ADGRV1: variants seen among roughly 807,000 people sequenced by gnomAD.
ADGRV1 encodes the protein G-protein coupled receptor 98.
A neutral mutation model predicts 596.2 loss-of-function variants in ADGRV1; 359 were observed. The ratio of observed to expected loss-of-function variants is 0.60; its 90% CI spans 0.55 to 0.66. ADGRV1 has a LOEUF of 0.66. Ranked by LOEUF, ADGRV1 falls within the 30% of genes least tolerant of loss-of-function variation. ADGRV1 has a pLI of 0.00. For synonymous variants in ADGRV1, 2,681 were observed against 2,679.2 expected (o/e 1.00, Z -0.02); for missense variants, 7,274 against 7,575.6 (o/e 0.96, Z 1.48).
intron 27 of ADGRV1, among the ~76,000 whole-genome samples, chr5:90,682,570 T>C (rs1745087994): frequency 6.6e-6 from 1 of 152,220 alleles, no homozygotes; most frequent in Admixed American, 6.5e-5. Flanking sequence ...TCAGCTTCCA[T>C]ACGAATAATG....
Position 90,776,460 on chromosome 5 carries a change from A to C in ADGRV1, c.12411A>C (p.Ala4137=), listed in dbSNP as rs1758242128. The change falls in exon 61 of 90, where the codon GCA becomes GCC. Residue 4137 remains alanine (A), a synonymous_variant. Coordinates refer to ENST00000405460, the MANE Select transcript of ADGRV1 (RefSeq NM_032119.4). ...ATATCATCTTGAATTTAGGTAGTGC[A>C]TCAATAATTATTCGGGGTGATAAGC... The part of the protein sequence containing the change: ...EVEISPVKGS[A]SIIIRGDKRA... 6.2e-7 allele frequency: 1 copy of C among 1,611,604 alleles called. No homozygotes were observed. The highest frequency in any genetic ancestry group is 8.5e-7 in the Non-Finnish European group (1 of 1,178,494).
chr5:90,878,459 G>A (rs1006445676), intron 83 of ADGRV1, among the ~76,000 whole-genome samples: 19 of 152,170 alleles, frequency 1.2e-4, no homozygotes, highest in Admixed American at 1.3e-4. Context: ...GAAGGCTAAC[G>A]TTAAGTGGTT....
chr5:90,796,180 G>A (rs919067182), intron 70 of ADGRV1, among the ~76,000 whole-genome samples: 16 of 152,190 alleles, frequency 1.1e-4, no homozygotes, highest in South Asian at 2.1e-4. Context: ...AAACTCCTCC[G>A]AGCTAAGGGA....
At chr5:90,774,883 C>A (rs543100889) in intron 60 of ADGRV1, among the ~76,000 whole-genome samples, 1 of 152,000 alleles carries the variant, frequency 6.6e-6, no homozygotes, top group Non-Finnish European at 1.5e-5. Context: ...CACACTTTAC[C>A]TTTGTAATAA....
intron 84 of ADGRV1, among the ~76,000 whole-genome samples, chr5:90,976,366 A>G (rs1282108682): frequency 1.4e-5 from 2 of 145,786 alleles, no homozygotes; most frequent in Non-Finnish European, 3.0e-5. Flanking sequence ...GTATATATGG[A>G]CATCTTTAAG....
At chr5:90,767,659 A>G (rs1056419220) in intron 59 of ADGRV1, among the ~76,000 whole-genome samples, 1 of 150,574 alleles carries the variant, frequency 6.6e-6, no homozygotes, top group Non-Finnish European at 1.5e-5. Context: ...ATATGTTTAC[A>G]TGGTCCATGT....
At chr5:91,121,060 G>A (rs1793275043) in intron 87 of ADGRV1, among the ~76,000 whole-genome samples, 1 of 152,138 alleles carries the variant, frequency 6.6e-6, no homozygotes, top group Non-Finnish European at 1.5e-5. Context: ...TGTAATCCCA[G>A]CTACTCGGGA....
intron 85 of ADGRV1, among the ~76,000 whole-genome samples, chr5:91,066,586 A>G (rs1050784489): frequency 6.6e-6 from 1 of 152,220 alleles, no homozygotes; most frequent in African/African-American, 2.4e-5. Context: ...TGTTAAGTAT[A>G]TGAGACATAA....
chr5:90,667,344 G>A (rs528073829), intron 21 of ADGRV1, among the ~76,000 whole-genome samples: 51 of 143,630 alleles, frequency 3.6e-4, no homozygotes, highest in African/African-American at 1.1e-3. Flanking sequence ...TTCCCTTCTC[G>A]CTTCATTTCA....
chr5:91,135,734 G>C (rs1476165187), intron 87 of ADGRV1, among the ~76,000 whole-genome samples: 1 of 152,086 alleles, frequency 6.6e-6, no homozygotes, highest in African/African-American at 2.4e-5. Context: ...CACCATGCTG[G>C]GCTACGACAT....
chr5:90,673,973 T>C (rs1286165480), intron 22 of ADGRV1, 81 bp from the exon 23 acceptor site: 3 of 917,352 alleles, frequency 3.3e-6, no homozygotes, highest in Middle Eastern at 3.0e-4. Flanking sequence ...AAATATAATT[T>C]AGTTGCCTTT....
chr5:90,721,110 A>G, intron 45 of ADGRV1, 51 bp downstream of exon 45: 1 of 1,495,270 alleles, frequency 6.7e-7, no homozygotes, highest in Non-Finnish European at 9.2e-7. Context: ...AAAATATTGC[A>G]TGTATAAGAT....
chr5:90,781,292 A>T, intron 64 of ADGRV1, 138 bp from the exon 65 acceptor site: 1 of 717,710 alleles, frequency 1.4e-6, no homozygotes, highest in Non-Finnish European at 2.5e-6. Flanking sequence ...TTTAGCGTTG[A>T]GGATCTTTAA....
chr5:90,600,905 A>G (rs1561361923), intron 1 of ADGRV1, among the ~76,000 whole-genome samples: 1 of 152,260 alleles, frequency 6.6e-6, no homozygotes, highest in African/African-American at 2.4e-5. Flanking sequence ...AAAAAGATGC[A>G]TTAAAAAAAC....
At chr5:90,929,658 C>G (rs1390570235) in intron 83 of ADGRV1, 1 of 152,212 alleles carries the variant, frequency 6.6e-6, no homozygotes, top group Admixed American at 6.5e-5. Context: ...GCTCCTCCCC[C>G]CAGGTTATTT....
rs1353066685 is a variant in ADGRV1 at position 90,565,387 on chromosome 5, C to T, written c.22+6470C>T. 2.6e-5 allele frequency among the ~76,000 whole-genome samples: 4 copies of T among 152,306 alleles called. No homozygotes were observed. In the East Asian group the frequency reaches 7.7e-4, roughly 29 times the overall value. On this transcript the variant is annotated intron_variant, in intron 1 of 89. Coordinates refer to ENST00000405460, the MANE Select transcript of ADGRV1 (RefSeq NM_032119.4). ...TGGAAACCAGTAATCTATTTTCTAT[C>T]TCTATAGATGTGCCTATTCTGGGCA...
intron 85 of ADGRV1, among the ~76,000 whole-genome samples, chr5:91,037,166 C>T (rs1041706177): frequency 1.3e-4 from 20 of 152,194 alleles, no homozygotes; most frequent in Non-Finnish European, 2.5e-4. Flanking sequence ...ATGCAGTGGA[C>T]TTGCATCACA....
chr5:90,891,573 A>T (rs1409175357), intron 83 of ADGRV1, among the ~76,000 whole-genome samples: 1 of 151,976 alleles, frequency 6.6e-6, no homozygotes, highest in African/African-American at 2.4e-5. Flanking sequence ...GGTACTGATA[A>T]TCATCTCATC....
At chr5:91,042,746 T>A (rs1432605620) in intron 85 of ADGRV1, among the ~76,000 whole-genome samples, 1 of 152,138 alleles carries the variant, frequency 6.6e-6, no homozygotes, top group Non-Finnish European at 1.5e-5. Context: ...CTGTCCTGTT[T>A]CCTTTATGCA....
Sources: allele counts gnomAD v4.1 joint callset (sites outside exome capture counted in the v4.1 genomes callset), GRCh38; gene constraint gnomAD v4.1.1; transcripts MANE v1.5; gene names NCBI Gene and HGNC (gene_info 2026-07-23, HGNC 2026-07-21).